Variants in DLG2 observed in about 807,000 individuals in gnomAD.
The protein encoded by DLG2 is disks large homolog 2.
A neutral mutation model predicts 132.5 loss-of-function variants in DLG2; 45 were observed. The observed-to-expected ratio is 0.34, with a 90% confidence interval of 0.27 to 0.44. DLG2 has a LOEUF of 0.44. Among genes scored for constraint, DLG2 ranks in the 20% least tolerant of loss-of-function variants. DLG2 has a pLI of 1.00. For synonymous variants in DLG2, 424 were observed against 419.6 expected (o/e 1.01, Z -0.13); for missense variants, 1,045 against 1,196.9 (o/e 0.87, Z 1.87).
At chr11:85,602,238 C>A (rs1044822941) in intron 2 of DLG2, among the ~76,000 whole-genome samples, 2 of 152,120 alleles carry the variant, frequency 1.3e-5, no homozygotes, top group African/African-American at 4.8e-5. Context: ...CCTGTGGGCT[C>A]CAACATCAAA....
At chr11:84,999,626 T>C (rs999916197) in intron 6 of DLG2, among the ~76,000 whole-genome samples, 2 of 152,192 alleles carry the variant, frequency 1.3e-5, no homozygotes, top group African/African-American at 4.8e-5. Flanking sequence ...CAGTTGTTGT[T>C]GTCTGTTTTT....
chr11:85,574,210 TCTC>T (rs1419713698), intron 3 of DLG2, among the ~76,000 whole-genome samples: 5 of 152,016 alleles, frequency 3.3e-5, no homozygotes, highest in Admixed American at 6.6e-5. Context: ...CATGACCTCT[TCTC>T]CTTCAAATAT....
chr11:83,896,949 T>C (rs532974153), intron 15 of DLG2, among the ~76,000 whole-genome samples: 3 of 122,578 alleles, frequency 2.4e-5, no homozygotes, highest in Admixed American at 7.5e-5. Context: ...AGCAGTGTTG[T>C]ATTTTTTAAG....
chr11:85,321,307 A>G (rs1004761514), intron 3 of DLG2, among the ~76,000 whole-genome samples: 1 of 152,004 alleles, frequency 6.6e-6, no homozygotes. Flanking sequence ...AGGGCTTAGT[A>G]TTGGCTATTA....
rs76786485 is a variant in DLG2 at position 84,417,349 on chromosome 11, A to G, written c.519+117221T>C. Among the ~76,000 whole-genome samples, 35 of 152,332 alleles carry G rather than the reference A, an allele frequency of 2.3e-4. No homozygotes were observed. The East Asian group carries it at 6.2e-3, about 27-fold the overall frequency. ...AATTAATGTGAGGTTGAAATGCAAC[A>G]AGACATGGAAAGTATCTAGCATTAT... On this transcript the variant is annotated intron_variant, in intron 7 of 27. Transcript: ENST00000376104.
chr11:85,600,601 T>G (rs1460218976), intron 2 of DLG2, among the ~76,000 whole-genome samples: 2 of 152,236 alleles, frequency 1.3e-5, no homozygotes, highest in Admixed American at 6.5e-5. Flanking sequence ...TTATTGGTTT[T>G]TACCAAATTC....
At chr11:85,207,687 T>C (rs1483151777) in intron 4 of DLG2, among the ~76,000 whole-genome samples, 1 of 152,084 alleles carries the variant, frequency 6.6e-6, no homozygotes, top group Non-Finnish European at 1.5e-5. Flanking sequence ...GAATGAAAGC[T>C]TATATATCCA....
At chr11:85,238,538 C>T (rs759443159) in intron 4 of DLG2, among the ~76,000 whole-genome samples, 1 of 152,090 alleles carries the variant, frequency 6.6e-6, no homozygotes, top group Non-Finnish European at 1.5e-5. Context: ...GCCACTGTGT[C>T]CCACCTATCT....
At position 84,675,464 on chromosome 11, in the gene DLG2, A is replaced by AAG. The variant is rs2099710273; in HGVS notation, c.358-140734_358-140733insCT. On this transcript the variant is annotated intron_variant, in intron 6 of 27. Coordinates refer to ENST00000376104, the MANE Select transcript of DLG2 (RefSeq NM_001142699.3). ...TTTAACAAATAAGATGAAGTATAAAATTTCACAAGTGGAATTCAGCCTTAA... is the reference window on the plus strand; with the variant it reads ...TTTAACAAATAAGATGAAGTATAAAAAGTTTCACAAGTGGAATTCAGCCTTAA... Among the ~76,000 whole-genome samples the AAG allele has an allele frequency of 2.6e-5, 4 of 152,188 alleles. 1 individual carries two copies. Among genetic ancestry groups the AAG allele is most frequent in the South Asian group, 4.2e-4 (2 of 4,812 alleles).
At position 83,748,120 on chromosome 11, in the gene DLG2, T is replaced by C. The variant is rs141405040; in HGVS notation, c.1825+38570A>G. Among the ~76,000 whole-genome samples, 652 of 152,338 alleles carry C rather than the reference T, an allele frequency of 4.3e-3. 1 individual carries two copies. Among genetic ancestry groups the C allele is most frequent in the Admixed American group, 8.6e-3 (132 of 15,288 alleles). On this transcript the variant is annotated intron_variant, in intron 18 of 27. Coordinates refer to ENST00000376104, the MANE Select transcript of DLG2 (RefSeq NM_001142699.3). Reference sequence around the variant, plus strand: ...TGCTTTCCTTTAGATAGATTCTGTATGTACTCTGTCAAGGTTTGAAAAATA... The same window carrying C: ...TGCTTTCCTTTAGATAGATTCTGTACGTACTCTGTCAAGGTTTGAAAAATA...
At chr11:84,213,983 G>C (rs2096794600) in intron 8 of DLG2, among the ~76,000 whole-genome samples, 1 of 151,162 alleles carries the variant, frequency 6.6e-6, no homozygotes, top group South Asian at 2.1e-4. Flanking sequence ...GTTCATTATT[G>C]GTTATTAATA....
chr11:84,354,207 T>C (rs1489569062), intron 7 of DLG2, among the ~76,000 whole-genome samples: 1 of 152,128 alleles, frequency 6.6e-6, no homozygotes, highest in Non-Finnish European at 1.5e-5. Flanking sequence ...AATAATCCAA[T>C]GTATAAAAAT....
At chr11:85,400,074 C>A (rs893724773) in intron 3 of DLG2, among the ~76,000 whole-genome samples, 3 of 151,886 alleles carry the variant, frequency 2.0e-5, no homozygotes, top group Non-Finnish European at 4.4e-5. Flanking sequence ...AGAACTCAAA[C>A]AAATTTACAA....
At chr11:84,521,326 A>G (rs1013038036) in intron 7 of DLG2, among the ~76,000 whole-genome samples, 1 of 152,184 alleles carries the variant, frequency 6.6e-6, no homozygotes, top group Admixed American at 6.6e-5. Flanking sequence ...AGTTGAGAAC[A>G]CCTGTTGTTT....
At chr11:84,677,015 G>C (rs2099713842) in intron 6 of DLG2, among the ~76,000 whole-genome samples, 1 of 151,946 alleles carries the variant, frequency 6.6e-6, no homozygotes, top group African/African-American at 2.4e-5. Flanking sequence ...AGATCATGAA[G>C]GGCCCTAGAG....
intron 7 of DLG2, among the ~76,000 whole-genome samples, chr11:84,369,140 C>A (rs187300922): frequency 6.6e-6 from 1 of 151,714 alleles, no homozygotes; most frequent in Non-Finnish European, 1.5e-5. Context: ...TTATACATTA[C>A]CTTATATAAC....
intron 6 of DLG2, among the ~76,000 whole-genome samples, chr11:84,784,612 TAAG>T (rs1418402150): frequency 3.3e-5 from 5 of 151,912 alleles, no homozygotes; most frequent in African/African-American, 1.2e-4. Flanking sequence ...GTAAATATTT[TAAG>T]AAGATCTACA....
intron 8 of DLG2, among the ~76,000 whole-genome samples, chr11:84,217,119 T>C (rs116766353): frequency 6.6e-6 from 1 of 152,238 alleles, no homozygotes; most frequent in Non-Finnish European, 1.5e-5. Flanking sequence ...TCTCCATCAA[T>C]ATGAACTTCT....
chr11:83,934,559 T>C (rs1392170778), intron 14 of DLG2, among the ~76,000 whole-genome samples: 2 of 152,170 alleles, frequency 1.3e-5, no homozygotes, highest in Admixed American at 6.5e-5. Context: ...TGATTGTAAA[T>C]AGTCTTCATC....
Sources: gnomAD v4.1 joint callset for allele counts (sites outside exome capture counted in the v4.1 genomes callset) on GRCh38, gnomAD v4.1.1 for gene constraint, MANE v1.5 for transcripts, NCBI Gene and HGNC (gene_info 2026-07-23, HGNC 2026-07-21) for gene names.